The following TERB1 variants were observed in gnomAD, a reference collection of about 807,000 sequenced individuals.
TERB1 encodes telomere repeats-binding bouquet formation protein 1.
In TERB1, 63 loss-of-function variants were observed where a neutral mutation model predicts 92.3. The ratio of observed to expected loss-of-function variants is 0.68; its 90% CI spans 0.56 to 0.84. TERB1 has a LOEUF of 0.84. Among genes scored for constraint, TERB1 ranks in the 40% least tolerant of loss-of-function variants. The pLI is 0.00. For synonymous variants in TERB1, 252 were observed against 283.9 expected (o/e 0.89, Z 1.13); for missense variants, 709 against 843.7 (o/e 0.84, Z 1.98).
chr16:66,772,887 G>A, intron 12 of TERB1, 138 bp from the exon 13 acceptor site: 1 of 634,656 alleles, frequency 1.6e-6, no homozygotes, highest in South Asian at 2.2e-5. Context: ...GTACTGAAAA[G>A]TAAGTGGAAG....
chr16:66,785,994 T>A lies in TERB1; in HGVS notation c.577+20A>T. The A allele has an allele frequency of 6.5e-7, 1 of 1,533,082 alleles. No individual in the cohort carries two copies. Among genetic ancestry groups the A allele is most frequent in the African/African-American group, 1.4e-5 (1 of 72,438 alleles). 95.0% of individuals were successfully genotyped at this position (1,533,082 alleles called of 1,614,324 possible). A position where few individuals can be genotyped will look rare whatever the true frequency, so the allele number is the denominator to read the frequency against. ...TTGTTTTTATCTTTATTTTTATATT[T>A]AAACATGACAGATAATTACCATTTT... On this transcript the variant is annotated intron_variant, in intron 8 of 18. Transcript: ENST00000433154.
intron 3 of TERB1, among the ~76,000 whole-genome samples, chr16:66,792,760 C>T (rs1009292263): frequency 3.3e-5 from 5 of 152,034 alleles, no homozygotes; most frequent in Non-Finnish European, 7.4e-5. Context: ...GGCTATAAAC[C>T]TACACAGCAT....
At chr16:66,772,472 ACT>A (rs1291481257) in intron 13 of TERB1, 115 bp downstream of exon 13, 1 of 935,914 alleles carries the variant, frequency 1.1e-6, no homozygotes, top group Non-Finnish European at 1.6e-6. Flanking sequence ...ACAGAGCAAG[ACT>A]CTGTCTCAAA....
chr16:66,758,868 T>C, intron 17 of TERB1, 30 bp from the exon 18 acceptor site: 1 of 1,394,850 alleles, frequency 7.2e-7, no homozygotes, highest in Non-Finnish European at 9.9e-7. Flanking sequence ...TTTAGCACAT[T>C]TAGCGTATCA....
Position 66,777,229 on chromosome 16 carries a change from G to A in TERB1, c.959C>T (p.Thr320Ile). 2.6e-6 allele frequency: 4 copies of A among 1,550,934 alleles called. No homozygotes were observed. Among genetic ancestry groups the A allele is most frequent in the Non-Finnish European group, 3.5e-6 (4 of 1,146,470 alleles). The stretch of plus-strand genomic sequence containing the variant: ...ACAATCCTCTGTGCAATGACCAAGA[G>A]TAAGCATGATGCTAAATTTTTCTCC... ...DSGEKFSIML[T>I]LGHCTEDCEE... is the part of the protein sequence containing the mutation. The change falls in exon 11 of 19, where the codon ACT becomes ATT. Residue 320 changes from threonine to isoleucine, a missense_variant. Transcript: ENST00000433154.
intron 11 of TERB1, among the ~76,000 whole-genome samples, chr16:66,776,677 A>T (rs1444722288): frequency 6.6e-6 from 1 of 152,028 alleles, no homozygotes; most frequent in Non-Finnish European, 1.5e-5. Context: ...AAGAAGGAGT[A>T]GATTGAACAG....
At chr16:66,796,163 G>T (rs2018926516) in intron 3 of TERB1, among the ~76,000 whole-genome samples, 1 of 152,160 alleles carries the variant, frequency 6.6e-6, no homozygotes, top group Non-Finnish European at 1.5e-5. Flanking sequence ...AATCTATTAA[G>T]TTTACCATTA....
intron 6 of TERB1, among the ~76,000 whole-genome samples, chr16:66,787,963 G>A (rs772568441): frequency 3.3e-5 from 5 of 152,168 alleles, no homozygotes; most frequent in African/African-American, 1.2e-4. Flanking sequence ...TCAGTAGGCT[G>A]AGGCAGGAGA....
In TERB1 at chr16:66,754,964, G is replaced by T; in HGVS notation, c.*12C>A. 1 of 1,542,232 alleles carries T rather than the reference G, an allele frequency of 6.5e-7. No individual in the cohort carries two copies. The highest frequency in any genetic ancestry group is 8.7e-7 in the Non-Finnish European group (1 of 1,144,512). On this transcript the variant is annotated 3_prime_UTR_variant, in exon 19 of 19. Coordinates refer to ENST00000433154, the MANE Select transcript of TERB1 (RefSeq NM_001136505.2). Reference sequence around the variant, plus strand: ...TAAGAATCCAAACTAAAAACTGACAGTCTTCTTTCAATCAAGAAGCTGCAC... The same window carrying T: ...TAAGAATCCAAACTAAAAACTGACATTCTTCTTTCAATCAAGAAGCTGCAC...
chr16:66,759,788 ACT>A, intron 16 of TERB1, among the ~76,000 whole-genome samples: 1 of 132,144 alleles, frequency 7.6e-6, no homozygotes, highest in African/African-American at 3.0e-5. Context: ...ACAGAGCAAG[ACT>A]CTGTCTCAAA....
chr16:66,780,539 T>C (rs1275407649), intron 9 of TERB1, among the ~76,000 whole-genome samples: 2 of 151,514 alleles, frequency 1.3e-5, no homozygotes, highest in Non-Finnish European at 2.9e-5. Context: ...CACTGTACTC[T>C]AGCTGGGGTG....
At chr16:66,788,052 C>T in intron 6 of TERB1, 117 bp downstream of exon 6, 2 of 781,856 alleles carry the variant, frequency 2.6e-6, no homozygotes, top group Non-Finnish European at 3.7e-6. Context: ...CAGAGCAAGA[C>T]TCTGTCTCCA....
upstream of TERB1, among the ~76,000 whole-genome samples, chr16:66,801,988 C>T (rs1175620936): frequency 1.3e-5 from 2 of 152,228 alleles, no homozygotes; most frequent in African/African-American, 4.8e-5. Context: ...GCAGCCAGGC[C>T]TCCACCTCAC....
At chr16:66,759,851 C>A (rs2018202518) in intron 16 of TERB1, among the ~76,000 whole-genome samples, 1 of 145,808 alleles carries the variant, frequency 6.9e-6, no homozygotes, top group African/African-American at 2.5e-5. Flanking sequence ...AAAAGAGCAT[C>A]TAGAGCGGGC....
chr16:66,795,017 T>G (rs184246425), intron 3 of TERB1, among the ~76,000 whole-genome samples: 1 of 152,078 alleles, frequency 6.6e-6, no homozygotes, highest in East Asian at 1.9e-4. Context: ...CTATCAAGAA[T>G]GCAGAACAAC....
At chr16:66,757,019 TG>T (rs1269885900) in intron 18 of TERB1, among the ~76,000 whole-genome samples, 3 of 152,176 alleles carry the variant, frequency 2.0e-5, no homozygotes, top group African/African-American at 7.2e-5. Context: ...CTCAGAAGAA[TG>T]GGCTCACATT....
intron 12 of TERB1, 106 bp downstream of exon 12, chr16:66,775,012 A>T: frequency 8.1e-7 from 1 of 1,237,090 alleles, no homozygotes; most frequent in Non-Finnish European, 1.1e-6. Context: ...TGCTTTTCAA[A>T]TGTAAGAAGA....
chr16:66,797,466 G>A (rs534363868), intron 2 of TERB1, among the ~76,000 whole-genome samples: 18 of 151,756 alleles, frequency 1.2e-4, no homozygotes, highest in African/African-American at 4.4e-4. Flanking sequence ...CAAACTCCCG[G>A]TCTCAAGCAA....
chr16:66,800,763 G>C (rs1959255695), intron 2 of TERB1, among the ~76,000 whole-genome samples: 1 of 152,064 alleles, frequency 6.6e-6, no homozygotes, highest in Non-Finnish European at 1.5e-5. Context: ...CGTTTAAACG[G>C]TCAAGAAATA....
Sources: gnomAD v4.1 joint callset for allele counts (sites outside exome capture counted in the v4.1 genomes callset) on GRCh38, gnomAD v4.1.1 for gene constraint, MANE v1.5 for transcripts, NCBI Gene and HGNC (gene_info 2026-07-23, HGNC 2026-07-21) for gene names.